ADAMTS17: variants seen among roughly 807,000 people sequenced by gnomAD.
ADAMTS17 encodes the protein A disintegrin and metalloproteinase with thrombospondin motifs 17.
A neutral mutation model predicts 141.5 loss-of-function variants in ADAMTS17; 113 were observed. The observed-to-expected ratio is 0.80, with a 90% confidence interval of 0.69 to 0.93. The LOEUF (loss-of-function observed/expected upper bound fraction) is 0.93, where lower values mean the gene tolerates loss of function less well. ADAMTS17 is among the 40% of genes least tolerant of loss of function. The pLI, the probability that ADAMTS17 is intolerant of heterozygous loss-of-function variation, is 0.00. For missense variants in ADAMTS17, 1,659 were observed against 1,517.9 expected, an observed-to-expected ratio of 1.09 and a Z score of -1.54; for synonymous variants, 768 against 630.6, an observed-to-expected ratio of 1.22 and a Z score of -3.27.
chr15:100,144,481 C>T (rs937168525), intron 10 of ADAMTS17, among the ~76,000 whole-genome samples: 3 of 151,654 alleles, frequency 2.0e-5, no homozygotes, highest in South Asian at 4.2e-4. Context: ...ATCTGGGAGG[C>T]GGATATCGCA....
chr15:100,142,343 G>A (rs182653942), intron 10 of ADAMTS17, among the ~76,000 whole-genome samples: 29 of 152,240 alleles, frequency 1.9e-4, no homozygotes, highest in Admixed American at 9.2e-4. Context: ...TACTGGACAC[G>A]GGAAAGCAAT....
At chr15:100,000,124 ATCATTGCTG>A (rs2060890510) in intron 18 of ADAMTS17, among the ~76,000 whole-genome samples, 1 of 152,264 alleles carries the variant, frequency 6.6e-6, no homozygotes, top group African/African-American at 2.4e-5. Flanking sequence ...ACTCTTAGCT[ATCATTGCTG>A]TCATTGTCTC....
chr15:100,323,777 TGTGA>T (rs151128938), intron 3 of ADAMTS17, among the ~76,000 whole-genome samples: 237 of 152,290 alleles, frequency 1.6e-3, no homozygotes, highest in Non-Finnish European at 2.8e-3. Context: ...AAGACATGAC[TGTGA>T]GTGATAAATG....
chr15:99,994,008 C>T (rs771324581), intron 19 of ADAMTS17, among the ~76,000 whole-genome samples: 2 of 152,130 alleles, frequency 1.3e-5, no homozygotes, highest in African/African-American at 2.4e-5. Flanking sequence ...CTCTGGAGTG[C>T]GTCTGGAGCC....
chr15:99,989,427 C>G (rs1050466863), intron 20 of ADAMTS17, among the ~76,000 whole-genome samples: 4 of 152,208 alleles, frequency 2.6e-5, no homozygotes, highest in African/African-American at 9.7e-5. Context: ...TTCCAATTCC[C>G]TGATGACAAT....
At chr15:100,340,231 G>A (rs1056258380) in intron 2 of ADAMTS17, among the ~76,000 whole-genome samples, 2 of 152,212 alleles carry the variant, frequency 1.3e-5, no homozygotes, top group East Asian at 1.9e-4. Context: ...ATGATCAAGT[G>A]TGCGCGCAGG....
At chr15:100,207,396 T>C (rs1267935040) in intron 7 of ADAMTS17, among the ~76,000 whole-genome samples, 2 of 152,130 alleles carry the variant, frequency 1.3e-5, no homozygotes, top group Non-Finnish European at 2.9e-5. Flanking sequence ...CAGTATTCTA[T>C]AAGAGGAGCT....
chr15:100,285,009 C>T (rs777149345), intron 3 of ADAMTS17, among the ~76,000 whole-genome samples: 3 of 152,164 alleles, frequency 2.0e-5, no homozygotes, highest in African/African-American at 7.2e-5. Flanking sequence ...TCAGGTCAGG[C>T]CTCAAGCCTT....
At position 99,971,722 on chromosome 15, in the gene ADAMTS17, A is replaced by G. The variant is rs1225408161; in HGVS notation, c.*2680T>C. ...GATCCTATCCAGCAACGGTCAGCTG[A>G]GAGGGTTTAATTTTGCACCAATAAA... On this transcript the variant is annotated 3_prime_UTR_variant, in exon 22 of 22. Coordinates refer to ENST00000268070, the MANE Select transcript of ADAMTS17 (RefSeq NM_139057.4). The G allele has an allele frequency of 6.6e-6, 1 of 152,220 alleles. No individual in the cohort carries two copies. The highest frequency in any genetic ancestry group is 2.4e-5 in the African/African-American group (1 of 41,460). The allele number at this position is 152,220 out of a possible 1,614,324, so 9.4% of individuals were successfully genotyped here.
intron 18 of ADAMTS17, among the ~76,000 whole-genome samples, chr15:100,005,052 G>C (rs1435989248): frequency 1.3e-5 from 2 of 152,190 alleles, no homozygotes; most frequent in Non-Finnish European, 2.9e-5. Flanking sequence ...CACTACGCCT[G>C]GCTGAAACTG....
Position 100,339,066 on chromosome 15 carries a change from T to C in ADAMTS17, c.450+1973A>G, listed in dbSNP as rs76606168. ...AACAAGGCAGACTAAACAACAGAAG[T>C]GTCTGCTCCGGCAGGAATTTAAAAG... On this transcript the variant is annotated intron_variant, in intron 2 of 21. Coordinates refer to ENST00000268070, the MANE Select transcript of ADAMTS17 (RefSeq NM_139057.4). 5,051 of 985,426 alleles carry C rather than the reference T, an allele frequency of 5.1e-3. 159 individuals are homozygous for C. In the African/African-American group the frequency reaches 0.075, roughly 15 times the overall value. The allele number at this position is 985,426 out of a possible 1,614,324, so 61.0% of individuals were successfully genotyped here.
At chr15:100,274,181 T>C (rs1441987295) in intron 4 of ADAMTS17, among the ~76,000 whole-genome samples, 4 of 152,224 alleles carry the variant, frequency 2.6e-5, no homozygotes, top group African/African-American at 4.8e-5. Flanking sequence ...GTTCTGTGTA[T>C]GTCTGCTAGA....
chr15:100,188,441 A>T (rs747206059), intron 8 of ADAMTS17, among the ~76,000 whole-genome samples: 3 of 151,846 alleles, frequency 2.0e-5, no homozygotes, highest in African/African-American at 4.8e-5. Flanking sequence ...TGCTTTGGGA[A>T]TTTTTAGGGA....
chr15:100,100,451 T>A (rs2036026359), intron 14 of ADAMTS17, among the ~76,000 whole-genome samples: 1 of 152,162 alleles, frequency 6.6e-6, no homozygotes, highest in Non-Finnish European at 1.5e-5. Flanking sequence ...GAGCAATCTC[T>A]CCACTTTCAA....
chr15:100,256,970 C>G (rs1343411546), intron 6 of ADAMTS17: 1 of 152,764 alleles, frequency 6.5e-6, no homozygotes, highest in Non-Finnish European at 1.5e-5. Flanking sequence ...TCTGGCTCAG[C>G]AGCTCCTGCT....
At chr15:100,268,458 T>C (rs2043795571) in intron 4 of ADAMTS17, among the ~76,000 whole-genome samples, 1 of 152,214 alleles carries the variant, frequency 6.6e-6, no homozygotes, top group South Asian at 2.1e-4. Flanking sequence ...CCAGCATCTG[T>C]TATTTTTCTG....
At chr15:100,269,061 G>A (rs1035159048) in intron 4 of ADAMTS17, among the ~76,000 whole-genome samples, 2 of 152,148 alleles carry the variant, frequency 1.3e-5, no homozygotes, top group African/African-American at 4.8e-5. Context: ...AAATGGTGCT[G>A]GGATAGCTAG....
At chr15:100,144,457 G>A (rs1342157371) in intron 10 of ADAMTS17, among the ~76,000 whole-genome samples, 2 of 152,092 alleles carry the variant, frequency 1.3e-5, no homozygotes, top group South Asian at 2.1e-4. Flanking sequence ...GGCTGACGCA[G>A]GAGAATCGCT....
At chr15:100,077,603 T>C (rs145310452) in intron 15 of ADAMTS17, among the ~76,000 whole-genome samples, 3 of 152,178 alleles carry the variant, frequency 2.0e-5, no homozygotes, top group Non-Finnish European at 2.9e-5. Context: ...AAACTAGGAA[T>C]AGAAGGGAGC....
Sources: allele counts gnomAD v4.1 joint callset (sites outside exome capture counted in the v4.1 genomes callset), GRCh38; gene constraint gnomAD v4.1.1; transcripts MANE v1.5; gene names NCBI Gene and HGNC (gene_info 2026-07-23, HGNC 2026-07-21).